The following MTX2 variants were observed in gnomAD, a reference collection of about 807,000 sequenced individuals.
MTX2 encodes the protein metaxin 2, also known as metaxin-2.
In MTX2, 35 loss-of-function variants were observed where a neutral mutation model predicts 42.3. The ratio of observed to expected loss-of-function variants is 0.83; its 90% CI spans 0.63 to 1.10. The LOEUF is 1.10. Among genes scored for constraint, MTX2 ranks in the 50% least tolerant of loss-of-function variants. MTX2 has a pLI of 0.00. For synonymous variants in MTX2, 119 were observed against 100.9 expected (o/e 1.18, Z -1.08); for missense variants, 307 against 304.1 (o/e 1.01, Z -0.07).
At chr2:176,285,049 A>G in intron 1 of MTX2, among the ~76,000 whole-genome samples, 1 of 152,198 alleles carries the variant, frequency 6.6e-6, no homozygotes, top group Non-Finnish European at 1.5e-5. Flanking sequence ...AATAATTACT[A>G]CCCAAGAATG....
chr2:176,296,388 G>A (rs1452380051), intron 1 of MTX2, among the ~76,000 whole-genome samples: 1 of 151,974 alleles, frequency 6.6e-6, no homozygotes, highest in Non-Finnish European at 1.5e-5. Context: ...AGATATATTT[G>A]ATTCTTTCTT....
chr2:176,297,039 G>C, intron 2 of MTX2, 132 bp downstream of exon 2: 2 of 1,028,754 alleles, frequency 1.9e-6, no homozygotes, highest in South Asian at 3.0e-5. Context: ...AATTTGTCTA[G>C]GAGGTTTTAC....
In MTX2 at chr2:176,269,474, G is replaced by T; in HGVS notation, c.-156G>T. The T allele has an allele frequency of 2.6e-6, 2 of 770,856 alleles. No homozygotes were observed. The highest frequency in any genetic ancestry group is 3.9e-6 in the Non-Finnish European group (2 of 513,006). The allele number at this position is 770,856 out of a possible 1,614,324, so 47.8% of individuals were successfully genotyped here. ...GCCAGGCCTGGCGGTAACCTTGGGG[G>T]CCTCACTGCAGCCGCCGCTGCTGTT... On this transcript the variant is annotated 5_prime_UTR_variant, in exon 1 of 10. Coordinates refer to ENST00000249442, the MANE Select transcript of MTX2 (RefSeq NM_006554.5).
intron 1 of MTX2, among the ~76,000 whole-genome samples, chr2:176,286,991 A>G (rs1575036555): frequency 3.3e-5 from 5 of 152,300 alleles, no homozygotes; most frequent in African/African-American, 9.6e-5. Context: ...GAGATTATAC[A>G]CTGTCGTGTA....
intron 5 of MTX2, among the ~76,000 whole-genome samples, chr2:176,327,598 T>A (rs1018885420): frequency 6.7e-6 from 1 of 148,776 alleles, no homozygotes; most frequent in African/African-American, 2.4e-5. Flanking sequence ...TTCAACACCC[T>A]CCCCCTGTAT....
At chr2:176,302,589 A>G (rs1379758657) in intron 3 of MTX2, among the ~76,000 whole-genome samples, 1 of 152,036 alleles carries the variant, frequency 6.6e-6, no homozygotes, top group Non-Finnish European at 1.5e-5. Context: ...GGTGTGTGCC[A>G]CCAAGCCCAG....
rs1294355878 is a variant in MTX2 at position 176,296,851 on chromosome 2, T to G, written c.41-9T>G. The G allele has an allele frequency of 6.2e-7, 1 of 1,613,366 alleles. No individual in the cohort carries two copies. Among genetic ancestry groups the G allele is most frequent in the African/African-American group, 1.3e-5 (1 of 75,030 alleles). On this transcript the variant is annotated splice_polypyrimidine_tract_variant and intron_variant, in intron 1 of 9. Transcript: ENST00000249442. Reference sequence around the variant, plus strand: ...TATGTGCCTAATTATCACTGCCTTGTTTCCATAGCTGCAGAACCTTGGCCT... The same window carrying G: ...TATGTGCCTAATTATCACTGCCTTGGTTCCATAGCTGCAGAACCTTGGCCT...
Position 176,296,856 on chromosome 2 carries a change from A to G in MTX2, c.41-4A>G, listed in dbSNP as rs1683898442. On this transcript the variant is annotated splice_region_variant and splice_polypyrimidine_tract_variant and intron_variant, in intron 1 of 9. Coordinates refer to ENST00000249442, the MANE Select transcript of MTX2 (RefSeq NM_006554.5). ...GCCTAATTATCACTGCCTTGTTTCC[A>G]TAGCTGCAGAACCTTGGCCTGAAAA... 3.1e-6 allele frequency: 5 copies of G among 1,613,330 alleles called. No homozygotes were observed. The South Asian group carries it at 3.3e-5, about 11-fold the overall frequency.
intron 1 of MTX2, among the ~76,000 whole-genome samples, chr2:176,290,737 G>A (rs377420876): frequency 2.6e-4 from 39 of 150,534 alleles, no homozygotes; most frequent in African/African-American, 9.0e-4. Flanking sequence ...GGCACTCCTA[G>A]GGAATAACTA....
chr2:176,285,927 TAAA>T (rs1421485904), intron 1 of MTX2, among the ~76,000 whole-genome samples: 1 of 152,220 alleles, frequency 6.6e-6, no homozygotes, highest in Admixed American at 6.5e-5. Context: ...GGTCATATGG[TAAA>T]ATTCTGTGTT....
At chr2:176,299,502 G>T (rs1468311230) in intron 3 of MTX2, among the ~76,000 whole-genome samples, 3 of 151,902 alleles carry the variant, frequency 2.0e-5, no homozygotes, top group African/African-American at 7.2e-5. Flanking sequence ...AATAAAACCA[G>T]AAAAAAGGAC....
chr2:176,333,839 G>A (rs1684919539), intron 9 of MTX2, among the ~76,000 whole-genome samples: 1 of 151,624 alleles, frequency 6.6e-6, no homozygotes, highest in African/African-American at 2.4e-5. Flanking sequence ...TGCTGTATAG[G>A]TTTGTAGCCT....
intron 1 of MTX2, among the ~76,000 whole-genome samples, chr2:176,273,940 T>C (rs541455085): frequency 6.6e-6 from 1 of 152,120 alleles, no homozygotes; most frequent in Non-Finnish European, 1.5e-5. Context: ...CCTCTTGTTT[T>C]AACATTTTGT....
At chr2:176,328,691 A>G (rs1684778954) in intron 6 of MTX2, among the ~76,000 whole-genome samples, 183 bp from the exon 7 acceptor site, 1 of 151,334 alleles carries the variant, frequency 6.6e-6, no homozygotes, top group South Asian at 2.1e-4. Flanking sequence ...TATTGTGTGA[A>G]TAAAAAATAT....
rs1341043483 is a variant in MTX2, at chr2:176,337,983, G to T, written c.*319G>T. 2 of 169,270 alleles carry T rather than the reference G, an allele frequency of 1.2e-5. No individual in the cohort carries two copies. The highest frequency in any genetic ancestry group is 2.5e-5 in the Non-Finnish European group (2 of 79,844). 10.5% of individuals were successfully genotyped at this position (169,270 alleles called of 1,614,324 possible). The stretch of plus-strand genomic sequence containing the variant: ...TTGATTTTTCTGAAAGTCATTCACT[G>T]AATTTTACACATGTGGAATAAACAG... On this transcript the variant is annotated 3_prime_UTR_variant, in exon 10 of 10. Coordinates refer to ENST00000249442, the MANE Select transcript of MTX2 (RefSeq NM_006554.5).
Position 176,329,320 on chromosome 2 carries a change from G to C in MTX2, c.437G>C (p.Gly146Ala). The change falls in exon 8 of 10, where the codon GGA becomes GCA. Residue 146 changes from glycine to alanine, a missense_variant. Gly to Ala is a moderately conservative substitution (Grantham distance 60). Transcript: ENST00000249442. ...TVGEITHARYGSPYPWPLNHI... is the reference protein window; with the variant it reads ...TVGEITHARYASPYPWPLNHI... ...CTTTAGATCACTCATGCTAGGTATG[G>C]ATCTCCTTACCCTTGGCCTCTGAAT... is the stretch of plus-strand genomic sequence containing the variant. The C allele has an allele frequency of 1.2e-6, 2 of 1,606,408 alleles. No individual in the cohort carries two copies. The highest frequency in any genetic ancestry group is 2.2e-5 in the South Asian group (2 of 90,554).
At chr2:176,337,429 A>G (rs938072439) in intron 9 of MTX2, 64 bp from the exon 10 acceptor site, 3 of 1,397,188 alleles carry the variant, frequency 2.1e-6, no homozygotes, top group East Asian at 2.5e-5. Flanking sequence ...AAGAGGGCCA[A>G]CTGTGTTTTC....
Position 176,282,126 on chromosome 2 carries a change from GTTTT to G in MTX2, c.40+12482_40+12485del, listed in dbSNP as rs71004264. Among the ~76,000 whole-genome samples the G allele has an allele frequency of 4.3e-3, 113 of 26,404 alleles. 1 individual carries two copies. The East Asian group carries it at 0.047, about 11-fold the overall frequency. The allele number at this position is 26,404 out of a possible 152,430, so 17.3% of individuals were successfully genotyped here. Reference sequence around the variant, plus strand: ...TGATATTATTTTTAGAGTTACAGTAGTTTTTTTTTTTTTTTTTTTTTTTTTTTTG... The same window carrying G: ...TGATATTATTTTTAGAGTTACAGTAGTTTTTTTTTTTTTTTTTTTTTTTTG... On this transcript the variant is annotated intron_variant, in intron 1 of 9. Coordinates refer to ENST00000249442, the MANE Select transcript of MTX2 (RefSeq NM_006554.5).
At chr2:176,295,700 A>G (rs1683851823) in intron 1 of MTX2, among the ~76,000 whole-genome samples, 1 of 152,128 alleles carries the variant, frequency 6.6e-6, no homozygotes, top group Non-Finnish European at 1.5e-5. Context: ...TTTTTATTCT[A>G]AAGCATAAGT....
Sources: gnomAD v4.1 joint callset for allele counts (sites outside exome capture counted in the v4.1 genomes callset) on GRCh38, gnomAD v4.1.1 for gene constraint, MANE v1.5 for transcripts, NCBI Gene and HGNC (gene_info 2026-07-23, HGNC 2026-07-21) for gene names.